The following GHR variants were observed in gnomAD, a reference collection of about 807,000 sequenced individuals.
The protein encoded by GHR is growth hormone receptor.
A neutral mutation model predicts 67.1 loss-of-function variants in GHR; 35 were observed. That is an observed-to-expected ratio of 0.52 (90% CI 0.40 to 0.69). The LOEUF (loss-of-function observed/expected upper bound fraction) is 0.69. Ranked by LOEUF, GHR falls within the 30% of genes least tolerant of loss-of-function variation. The pLI, the probability that GHR is intolerant of heterozygous loss-of-function variation, is 0.00. For missense variants in GHR, 792 were observed against 764.6 expected, an observed-to-expected ratio of 1.04 and a Z score of -0.42; for synonymous variants, 272 against 269.1, an observed-to-expected ratio of 1.01 and a Z score of -0.10.
At chr5:42,457,213 C>A (rs577702791) in intron 1 of GHR, among the ~76,000 whole-genome samples, 185 of 152,226 alleles carry the variant, frequency 1.2e-3, no homozygotes, top group African/African-American at 4.3e-3. Flanking sequence ...GGTTTTTTGG[C>A]AACTGCCTGG....
intron 3 of GHR, among the ~76,000 whole-genome samples, chr5:42,647,356 C>G (rs1191984759): frequency 6.6e-6 from 1 of 151,914 alleles, no homozygotes; most frequent in Non-Finnish European, 1.5e-5. Flanking sequence ...GGGTGGATCA[C>G]GAGATCAGGA....
intron 3 of GHR, among the ~76,000 whole-genome samples, chr5:42,675,707 T>C (rs1189740696): frequency 6.6e-6 from 1 of 152,168 alleles, no homozygotes; most frequent in African/African-American, 2.4e-5. Flanking sequence ...TTGGTGAAGG[T>C]TTAAATGATA....
rs1343546790 is a variant in GHR at position 42,471,268 on chromosome 5, GT to G, written c.-12+47315del. Reference sequence around the variant, plus strand: ...ACGTTTCAGGTAAATAATTCCAACAGTTGTGACTGGAAGGAATTCAAATCAA... The same window carrying G: ...ACGTTTCAGGTAAATAATTCCAACAGTGTGACTGGAAGGAATTCAAATCAA... On this transcript the variant is annotated intron_variant, in intron 1 of 9. Transcript: ENST00000230882. Among the ~76,000 whole-genome samples the G allele has an allele frequency of 2.0e-5, 3 of 152,114 alleles. No homozygotes were observed. In the East Asian group the frequency reaches 5.8e-4, roughly 29 times the overall value.
At chr5:42,432,794 T>A (rs1743151616) in intron 1 of GHR, among the ~76,000 whole-genome samples, 1 of 152,176 alleles carries the variant, frequency 6.6e-6, no homozygotes, top group Non-Finnish European at 1.5e-5. Flanking sequence ...GAACTACTAC[T>A]TTCATAGTTC....
intron 6 of GHR, among the ~76,000 whole-genome samples, chr5:42,709,186 T>C (rs1022031555): frequency 1.3e-5 from 2 of 152,086 alleles, no homozygotes; most frequent in Non-Finnish European, 2.9e-5. Flanking sequence ...CAGGCTAGAG[T>C]ACAGTGGCCC....
intron 1 of GHR, among the ~76,000 whole-genome samples, chr5:42,463,722 G>A (rs904462789): frequency 2.0e-5 from 3 of 152,038 alleles, no homozygotes; most frequent in African/African-American, 4.8e-5. Context: ...GGCCGGGCGC[G>A]GTGGCTCACG....
At chr5:42,677,196 C>A (rs1432833544) in intron 3 of GHR, among the ~76,000 whole-genome samples, 1 of 152,172 alleles carries the variant, frequency 6.6e-6, no homozygotes, top group East Asian at 1.9e-4. Flanking sequence ...CCAAACTCCA[C>A]TTCATTACTC....
At chr5:42,579,120 TAGATAGATAGATAGATAGATGATA>T (rs1462223186) in intron 2 of GHR, among the ~76,000 whole-genome samples, 23 of 85,866 alleles carry the variant, frequency 2.7e-4, no homozygotes, top group East Asian at 8.6e-4. Context: ...GATAGATAGA[TAGATAGATAGATAGATAGATGATA>T]GATAGATATA....
intron 2 of GHR, among the ~76,000 whole-genome samples, chr5:42,568,238 A>G (rs1405816984): frequency 6.6e-6 from 1 of 152,136 alleles, no homozygotes; most frequent in East Asian, 1.9e-4. Context: ...TTTTTTTATT[A>G]AATCTAATTG....
intron 4 of GHR, among the ~76,000 whole-genome samples, chr5:42,691,209 G>C (rs1240226061): frequency 1.3e-5 from 2 of 152,248 alleles, no homozygotes; most frequent in Admixed American, 6.5e-5. Flanking sequence ...TATTCAGAAA[G>C]ATGTCTTAGA....
At chr5:42,579,525 A>T (rs1013428360) in intron 2 of GHR, among the ~76,000 whole-genome samples, 5 of 152,218 alleles carry the variant, frequency 3.3e-5, no homozygotes, top group Admixed American at 3.3e-4. Context: ...TTGGAAGATC[A>T]CCCTTAAAGC....
chr5:42,439,247 T>C (rs1014026405), intron 1 of GHR, among the ~76,000 whole-genome samples: 20 of 152,228 alleles, frequency 1.3e-4, no homozygotes, highest in African/African-American at 4.6e-4. Flanking sequence ...TTTTGAACTT[T>C]TAAGAAATCC....
At chr5:42,455,061 GACT>G (rs1744204950) in intron 1 of GHR, among the ~76,000 whole-genome samples, 1 of 152,122 alleles carries the variant, frequency 6.6e-6, no homozygotes, top group Admixed American at 6.5e-5. Flanking sequence ...GTGCCTACAA[GACT>G]CTTCCTGCTG....
intron 1 of GHR, chr5:42,467,006 G>T: frequency 6.4e-7 from 1 of 1,571,520 alleles, no homozygotes; most frequent in Non-Finnish European, 8.7e-7. Context: ...TGCACCGTGA[G>T]GCTCAACCTC....
At chr5:42,663,958 A>G (rs1017675290) in intron 3 of GHR, among the ~76,000 whole-genome samples, 5 of 152,080 alleles carry the variant, frequency 3.3e-5, no homozygotes, top group African/African-American at 1.2e-4. Context: ...ATAACAGACA[A>G]ACAGAGCCAA....
At chr5:42,515,379 A>G (rs1164685051) in intron 1 of GHR, among the ~76,000 whole-genome samples, 1 of 152,204 alleles carries the variant, frequency 6.6e-6, no homozygotes, top group Non-Finnish European at 1.5e-5. Flanking sequence ...CGTTAAACAC[A>G]GTCAATTTAC....
At position 42,465,188 on chromosome 5, in the gene GHR, G is replaced by C. The variant is rs114091625; in HGVS notation, c.-12+41233G>C. Among the ~76,000 whole-genome samples the C allele has an allele frequency of 9.2e-3, 1,396 of 152,304 alleles. 20 individuals are homozygous for C. Among genetic ancestry groups the C allele is most frequent in the African/African-American group, 0.032 (1,320 of 41,550 alleles). ...GGAACAAGTATCTGAGTCAAGAGTT[G>C]ACAAGTAGAATAGCTGGGCGCAGAG... On this transcript the variant is annotated intron_variant, in intron 1 of 9. Transcript: ENST00000230882.
At chr5:42,604,313 G>A (rs777510770) in intron 2 of GHR, among the ~76,000 whole-genome samples, 2 of 152,224 alleles carry the variant, frequency 1.3e-5, no homozygotes, top group Admixed American at 6.5e-5. Context: ...GACAAAAAGA[G>A]TATTAGCTAG....
chr5:42,477,950 T>C (rs867715628), intron 1 of GHR, among the ~76,000 whole-genome samples: 253 of 152,136 alleles, frequency 1.7e-3, no homozygotes, highest in Middle Eastern at 0.01. Context: ...AGACATGAAG[T>C]CCTTGCCCAT....
Sources: gnomAD v4.1 joint callset for allele counts (sites outside exome capture counted in the v4.1 genomes callset) on GRCh38, gnomAD v4.1.1 for gene constraint, MANE v1.5 for transcripts, NCBI Gene and HGNC (gene_info 2026-07-23, HGNC 2026-07-21) for gene names.